Variants in ARAP2 observed in about 807,000 individuals in gnomAD.
ARAP2 encodes ArfGAP with RhoGAP domain, ankyrin repeat and PH domain 2.
In ARAP2, 148 loss-of-function variants were observed where a neutral mutation model predicts 194.5. The ratio of observed to expected loss-of-function variants is 0.76; its 90% CI spans 0.67 to 0.87. ARAP2 has a LOEUF of 0.87. Ranked by LOEUF, ARAP2 falls within the 40% of genes least tolerant of loss-of-function variation. The probability of loss-of-function intolerance (pLI) is 0.00; values close to 1 mark genes in which losing one functional copy is unlikely to be tolerated. For missense variants in ARAP2, 2,128 were observed against 1,989.7 expected (o/e 1.07, Z -1.32); for synonymous variants, 695 against 683.5 (o/e 1.02, Z -0.26).
chr4:36,117,206 A>G lies in ARAP2; in HGVS notation c.3964-71T>C, dbSNP rs1721569915. 7.7e-6 allele frequency: 8 copies of G among 1,037,852 alleles called. No homozygotes were observed. The South Asian group carries it at 1.3e-4, about 17-fold the overall frequency. 64.3% of individuals were successfully genotyped at this position (1,037,852 alleles called of 1,614,324 possible). On this transcript the variant is annotated intron_variant, in intron 24 of 32. Coordinates refer to ENST00000303965, the MANE Select transcript of ARAP2 (RefSeq NM_015230.4). Reference sequence around the variant, plus strand: ...AAAACACATATTTGAAACTGAAGACAGCTATAAAGCCCCAGTCATATTTCT... The same window carrying G: ...AAAACACATATTTGAAACTGAAGACGGCTATAAAGCCCCAGTCATATTTCT...
downstream of ARAP2, chr4:36,065,653 C>A (rs904159466): frequency 3.5e-5 from 6 of 173,304 alleles, no homozygotes; most frequent in African/African-American, 1.4e-4. Flanking sequence ...GACCAAGTGG[C>A]ACTGCTGAGG....
At chr4:36,143,595 A>T (rs1560520738) in intron 19 of ARAP2, among the ~76,000 whole-genome samples, 2 of 151,754 alleles carry the variant, frequency 1.3e-5, no homozygotes, top group Admixed American at 1.3e-4. Flanking sequence ...AACTGCCCCC[A>T]TTGTCATCAT....
rs994478702 is a variant in ARAP2, at chr4:36,161,562, A to G, written c.2174-12T>C. On this transcript the variant is annotated splice_polypyrimidine_tract_variant and intron_variant, in intron 11 of 32. Transcript: ENST00000303965. Reference sequence around the variant, plus strand: ...AGATCTATGCTGTCCTAGAGTCAAAACACAATTGCATTTCTATTTTAATTT... The same window carrying G: ...AGATCTATGCTGTCCTAGAGTCAAAGCACAATTGCATTTCTATTTTAATTT... 2.5e-6 allele frequency: 4 copies of G among 1,588,710 alleles called. No individual in the cohort carries two copies. The African/African-American group carries it at 4.0e-5, about 16-fold the overall frequency.
At chr4:36,086,925 G>A (rs1712022960) in intron 28 of ARAP2, among the ~76,000 whole-genome samples, 1 of 152,020 alleles carries the variant, frequency 6.6e-6, no homozygotes, top group South Asian at 2.1e-4. Context: ...CAGAACAAAA[G>A]ATATCTTTCC....
chr4:36,133,766 A>C (rs1240293122), intron 19 of ARAP2, among the ~76,000 whole-genome samples: 1 of 151,756 alleles, frequency 6.6e-6, no homozygotes, highest in Non-Finnish European at 1.5e-5. Flanking sequence ...ATTCAATTTG[A>C]ATTTTATAGC....
rs76077636 is a variant in ARAP2 at position 36,043,388 on chromosome 4, G to A, written n.607+2591C>T. Among the ~76,000 whole-genome samples, 1,199 of 152,256 alleles carry A rather than the reference G, an allele frequency of 7.9e-3. 16 individuals carry two copies. The highest frequency in any genetic ancestry group is 0.027 in the African/African-American group (1,129 of 41,542). Reference sequence around the variant, plus strand: ...TTATGTAGTTTAACTAGGGTCTTCTGAAAATTGCCCTGTCTATGTCTCAAC... The same window carrying A: ...TTATGTAGTTTAACTAGGGTCTTCTAAAAATTGCCCTGTCTATGTCTCAAC... On this transcript the variant is annotated intron_variant and non_coding_transcript_variant, in intron 5 of 12. Coordinates refer to the ARAP2 transcript ENST00000503225.
intron 9 of ARAP2, among the ~76,000 whole-genome samples, chr4:36,168,372 C>T (rs1169346718): frequency 1.3e-5 from 2 of 152,040 alleles, no homozygotes; most frequent in East Asian, 1.9e-4. Flanking sequence ...TCTAAGGATG[C>T]GAAAGTGAGG....
chr4:36,165,324 G>A (rs1272808655), intron 10 of ARAP2, among the ~76,000 whole-genome samples: 2 of 152,004 alleles, frequency 1.3e-5, no homozygotes, highest in East Asian at 3.9e-4. Context: ...CTTTGTTTAT[G>A]CATCTTGAAC....
intron 21 of ARAP2, among the ~76,000 whole-genome samples, chr4:36,128,027 T>C (rs985194772): frequency 2.0e-5 from 3 of 151,992 alleles, no homozygotes; most frequent in African/African-American, 7.2e-5. Context: ...TAGCTTTTCT[T>C]ACAGTGTATA....
intron 6 of ARAP2, among the ~76,000 whole-genome samples, chr4:36,202,915 C>T (rs73127498): frequency 1.3e-5 from 2 of 152,060 alleles, no homozygotes; most frequent in African/African-American, 4.8e-5. Flanking sequence ...ATCCAGCATT[C>T]GATTAAATTA....
At chr4:36,134,176 C>T (rs1186161271) in intron 19 of ARAP2, among the ~76,000 whole-genome samples, 1 of 151,732 alleles carries the variant, frequency 6.6e-6, no homozygotes, top group Non-Finnish European at 1.5e-5. Flanking sequence ...TAGGACAACA[C>T]TCAATAGACG....
intron 28 of ARAP2, among the ~76,000 whole-genome samples, chr4:36,090,940 T>G (rs1322268673): frequency 6.6e-6 from 1 of 152,156 alleles, no homozygotes; most frequent in Non-Finnish European, 1.5e-5. Flanking sequence ...AAAAATGCTG[T>G]TAACCTGTCG....
rs1046117075 is a variant in ARAP2, at chr4:36,233,939, T to G, written c.-159-4294A>C. On this transcript the variant is annotated intron_variant, in intron 1 of 32. Coordinates refer to ENST00000303965, the MANE Select transcript of ARAP2 (RefSeq NM_015230.4). Reference sequence around the variant, plus strand: ...CTATTTACTTCTTAGAGTGTTGTCCTAGTCCGTTCAGACTGATTTAACAAA... The same window carrying G: ...CTATTTACTTCTTAGAGTGTTGTCCGAGTCCGTTCAGACTGATTTAACAAA... Among the ~76,000 whole-genome samples the G allele has an allele frequency of 3.9e-5, 6 of 152,252 alleles. No homozygotes were observed. In the East Asian group the frequency reaches 1.2e-3, roughly 29 times the overall value.
At chr4:36,107,717 A>T in intron 26 of ARAP2, 24 bp from the exon 27 acceptor site, 1 of 1,571,800 alleles carries the variant, frequency 6.4e-7, no homozygotes, top group South Asian at 1.2e-5. Flanking sequence ...ATTCCAAATC[A>T]AATGGAAAAT....
rs551493531 is a variant in ARAP2 at position 36,242,981 on chromosome 4, C to T, written c.-160+1198G>A. On this transcript the variant is annotated intron_variant, in intron 1 of 32. Coordinates refer to ENST00000303965, the MANE Select transcript of ARAP2 (RefSeq NM_015230.4). ...GAAGATATTTGCACTTAACCCTAGCCTAGTTCCATGACCCACTTTTTTTTC... is the reference window on the plus strand; with the variant it reads ...GAAGATATTTGCACTTAACCCTAGCTTAGTTCCATGACCCACTTTTTTTTC... Among the ~76,000 whole-genome samples the T allele has an allele frequency of 6.9e-4, 105 of 152,178 alleles. 1 individual carries two copies. Among genetic ancestry groups the T allele is most frequent in the Non-Finnish European group, 1.5e-4 (10 of 67,990 alleles).
At chr4:36,158,675 TG>T in intron 15 of ARAP2, 54 bp downstream of exon 15, 1 of 1,423,244 alleles carries the variant, frequency 7.0e-7, no homozygotes, top group South Asian at 1.3e-5. Flanking sequence ...CTAATTGTTT[TG>T]ATAATGGAAT....
At chr4:36,096,548 C>T (rs1049370708) in intron 27 of ARAP2, among the ~76,000 whole-genome samples, 11 of 151,736 alleles carry the variant, frequency 7.2e-5, no homozygotes, top group Admixed American at 7.2e-4. Flanking sequence ...CATGGAATGA[C>T]CACTTGGAAG....
intron 5 of ARAP2, among the ~76,000 whole-genome samples, chr4:36,028,384 A>G (rs1375535584): frequency 6.6e-6 from 1 of 152,034 alleles, no homozygotes; most frequent in African/African-American, 2.4e-5. Flanking sequence ...AAATAGCTTG[A>G]TTTAAAAATT....
At chr4:36,086,509 A>G (rs1348562501) in intron 28 of ARAP2, among the ~76,000 whole-genome samples, 1 of 152,136 alleles carries the variant, frequency 6.6e-6, no homozygotes, top group African/African-American at 2.4e-5. Context: ...AAGAAGAGCT[A>G]TATAGATCTT....
Sources: allele counts gnomAD v4.1 joint callset (sites outside exome capture counted in the v4.1 genomes callset), GRCh38; gene constraint gnomAD v4.1.1; transcripts MANE v1.5; gene names NCBI Gene and HGNC (gene_info 2026-07-23, HGNC 2026-07-21).